The following SP5 variants were observed in gnomAD, a reference collection of about 807,000 sequenced individuals.
SP5 encodes the protein transcription factor Sp5.
Under a neutral mutation model 27.4 loss-of-function variants are expected in SP5, and 12 were observed. The observed-to-expected ratio is 0.44, with a 90% CI of 0.28 to 0.71. The LOEUF (loss-of-function observed/expected upper bound fraction) is 0.71, where lower values mean the gene tolerates loss of function less well. SP5 is among the 30% of genes least tolerant of loss of function. The pLI is 0.15. For synonymous variants in SP5, 330 were observed against 290.7 expected, an observed-to-expected ratio of 1.14 and a Z score of -1.38; for missense variants, 660 against 589.8, an observed-to-expected ratio of 1.12 and a Z score of -1.23.
At position 170,716,690 on chromosome 2, in the gene SP5, C is replaced by T. The variant is rs748351724; in HGVS notation, c.483C>T (p.Asn161=). 3 of 1,547,524 alleles carry T rather than the reference C, an allele frequency of 1.9e-6. No individual in the cohort carries two copies. Among genetic ancestry groups the T allele is most frequent in the Non-Finnish European group, 2.6e-6 (3 of 1,156,216 alleles). Residue 161 remains asparagine (N), a synonymous_variant, in exon 2 of 2, where the codon AAC becomes AAT. Transcript: ENST00000375281. ...AQAALPPGYS[N]LLPPPPPPPP... Reference sequence around the variant, plus strand: ...CCGCGCTGCCGCCAGGCTACTCCAACCTGCTGCCTCCGCCGCCGCCACCGC... The same window carrying T: ...CCGCGCTGCCGCCAGGCTACTCCAATCTGCTGCCTCCGCCGCCGCCACCGC...
chr2:170,716,049 C>T, intron 1 of SP5: 1 of 1,394,936 alleles, frequency 7.2e-7, no homozygotes, highest in Non-Finnish European at 9.2e-7. Flanking sequence ...GCAAGAAGCG[C>T]TCGCGGGCCC....
chr2:170,717,554 GA>G lies in SP5; in HGVS notation c.*151del. 1 of 1,062,970 alleles carries G rather than the reference GA, an allele frequency of 9.4e-7. No individual in the cohort carries two copies. Among genetic ancestry groups the G allele is most frequent in the Non-Finnish European group, 1.3e-6 (1 of 749,530 alleles). 65.8% of individuals were successfully genotyped at this position (1,062,970 alleles called of 1,614,324 possible). ...AGGCTTCCAACTTCCGCTGCCTTCG[GA>G]CATAGGGACCCAGTTCCCAGGAGCG... is the stretch of plus-strand genomic sequence containing the variant. On this transcript the variant is annotated 3_prime_UTR_variant, in exon 2 of 2. Transcript: ENST00000375281.
chr2:170,717,358 A>C lies in SP5; in HGVS notation c.1151A>C (p.Lys384Thr). The part of the protein sequence containing the change: ...HVKTHQNKKL[K>T]VAEAGVKRED... The stretch of plus-strand genomic sequence containing the variant: ...AAGACTCACCAGAATAAGAAGCTCA[A>C]AGTCGCTGAGGCCGGGGTTAAGCGG... The change falls in exon 2 of 2, where the codon AAA (lysine) becomes ACA (threonine). Residue 384 changes from lysine (K) to threonine (T), a missense_variant. Lys to Thr is a moderately conservative substitution (Grantham distance 78). Transcript: ENST00000375281. 6.2e-7 allele frequency: 1 copy of C among 1,611,228 alleles called. No individual in the cohort carries two copies. Among genetic ancestry groups the C allele is most frequent in the Non-Finnish European group, 8.5e-7 (1 of 1,179,986 alleles).
At position 170,716,969 on chromosome 2, in the gene SP5, C is replaced by T. The variant is rs1213635845; in HGVS notation, c.762C>T (p.Ile254=). The change falls in exon 2 of 2, where the codon ATC becomes ATT. Residue 254 remains isoleucine (I), a synonymous_variant. Coordinates refer to ENST00000375281, the MANE Select transcript of SP5 (RefSeq NM_001003845.3). ...ACTTTGCGCAGTACCAGAGCCAGAT[C>T]GCCGCGCTGCTGCAGACCAAGGCCC... ...PSDFAQYQSQ[I]AALLQTKAPL... The T allele has an allele frequency of 6.5e-7, 1 of 1,547,750 alleles. No homozygotes were observed. The highest frequency in any genetic ancestry group is 2.4e-5 in the East Asian group (1 of 40,856).
In SP5 at chr2:170,717,400, T is replaced by C. The variant is rs781706380; in HGVS notation, c.1193T>C (p.Leu398Pro). 1 of 1,610,456 alleles carries C rather than the reference T, an allele frequency of 6.2e-7. No individual in the cohort carries two copies. Among genetic ancestry groups the C allele is most frequent in the Non-Finnish European group, 8.5e-7 (1 of 1,179,874 alleles). ...AGVKREDARDL is the reference protein window; with the variant it reads ...AGVKREDARDP The stretch of plus-strand genomic sequence containing the variant: ...GTTAAGCGGGAGGACGCGCGGGACC[T>C]GTGAGCCCTCCCGGAGGTGGACCCC... The change falls in exon 2 of 2, where the codon CTG becomes CCG. Residue 398 changes from leucine (L) to proline (P), a missense_variant. Leu to Pro is a moderately conservative substitution (Grantham distance 98, BLOSUM62 -3). Coordinates refer to ENST00000375281, the MANE Select transcript of SP5 (RefSeq NM_001003845.3).
In SP5 at chr2:170,716,707, C is replaced by A; in HGVS notation, c.500C>A (p.Pro167Gln). The change falls in exon 2 of 2, where the codon CCG (proline) becomes CAG (glutamine). Residue 167 changes from proline (P) to glutamine (Q), a missense_variant. Physicochemically the swap from Pro to Gln is moderately conservative, Grantham distance 76. Transcript: ENST00000375281. ...PGYSNLLPPPPPPPPPPTCRQ... is the reference protein window; with the variant it reads ...PGYSNLLPPPQPPPPPPTCRQ... Reference sequence around the variant, plus strand: ...TACTCCAACCTGCTGCCTCCGCCGCCGCCACCGCCCCCGCCGCCCACCTGC... The same window carrying A: ...TACTCCAACCTGCTGCCTCCGCCGCAGCCACCGCCCCCGCCGCCCACCTGC... The A allele has an allele frequency of 6.7e-7, 1 of 1,502,824 alleles. No individual in the cohort carries two copies. Among genetic ancestry groups the A allele is most frequent in the Non-Finnish European group, 8.8e-7 (1 of 1,133,708 alleles). 93.1% of individuals were successfully genotyped at this position (1,502,824 alleles called of 1,614,324 possible). A position where few individuals can be genotyped will look rare whatever the true frequency, so the allele number is the denominator to read the frequency against.
intron 1 of SP5, chr2:170,715,795 G>C: frequency 1.0e-6 from 1 of 985,428 alleles, no homozygotes; most frequent in Non-Finnish European, 1.2e-6. Flanking sequence ...GAACAGGACC[G>C]GAGCTCACCC....
In SP5 at chr2:170,716,291, C is replaced by G. The variant is rs1392141432; in HGVS notation, c.84C>G (p.Gly28=). ...DRTPSASPDL[G]KHSPLALLAA... is the part of the protein sequence containing the mutation. ...CCCCCAGCGCCTCCCCGGACCTGGGCAAGCACTCGCCCCTGGCATTGCTGG... is the reference window on the plus strand; with the variant it reads ...CCCCCAGCGCCTCCCCGGACCTGGGGAAGCACTCGCCCCTGGCATTGCTGG... The change falls in exon 2 of 2, where the codon GGC becomes GGG. Residue 28 remains glycine, a synonymous_variant. Transcript: ENST00000375281. The G allele has an allele frequency of 6.3e-7, 1 of 1,595,750 alleles. No homozygotes were observed. Among genetic ancestry groups the G allele is most frequent in the South Asian group, 1.1e-5 (1 of 90,826 alleles).
chr2:170,715,838 C>G, intron 1 of SP5: 10 of 985,272 alleles, frequency 1.0e-5, no homozygotes, highest in Non-Finnish European at 1.2e-5. Flanking sequence ...CAGCCTGGGG[C>G]GGGCCAGGGA....
At position 170,716,439 on chromosome 2, in the gene SP5, C is replaced by G. The variant is rs1184410716; in HGVS notation, c.232C>G (p.Pro78Ala). ...CTTCCACCCGTGGACCGCCGACATG[C>G]CGGCGCACTCGCCAGGCGCACTGCC... ...RLFHPWTADM[P>A]AHSPGALPPP... Residue 78 changes from proline to alanine, a missense_variant, in exon 2 of 2, where the codon CCG becomes GCG. Coordinates refer to ENST00000375281, the MANE Select transcript of SP5 (RefSeq NM_001003845.3). 1.9e-6 allele frequency: 3 copies of G among 1,602,618 alleles called. No individual in the cohort carries two copies. The highest frequency in any genetic ancestry group is 1.7e-6 in the Non-Finnish European group (2 of 1,178,876).
At position 170,716,675 on chromosome 2, in the gene SP5, G is replaced by T. The variant is rs1134626; in HGVS notation, c.468G>T (p.Pro156=). 0.32 allele frequency: 504,184 copies of T among 1,590,796 alleles called. 83,771 individuals are homozygous for T. Among genetic ancestry groups the T allele is most frequent in the South Asian group, 0.35 (31,237 of 89,420 alleles). Residue 156 remains proline (P), a synonymous_variant, in exon 2 of 2, where the codon CCG becomes CCT. Coordinates refer to ENST00000375281, the MANE Select transcript of SP5 (RefSeq NM_001003845.3). ...CCTACGCGGCGCAGGCCGCGCTGCC[G>T]CCAGGCTACTCCAACCTGCTGCCTC... ...YVPYAAQAAL[P]PGYSNLLPPP... is the part of the protein sequence containing the mutation.
Position 170,717,603 on chromosome 2 carries a change from G to A in SP5, c.*199G>A. The stretch of plus-strand genomic sequence containing the variant: ...GCGGGGAGGTAGGGTTGGGGCTGGG[G>A]CATTTGGATTGTAATTGGGAGCTCT... On this transcript the variant is annotated 3_prime_UTR_variant, in exon 2 of 2. Transcript: ENST00000375281. 2.8e-6 allele frequency: 2 copies of A among 718,230 alleles called. No individual in the cohort carries two copies. The highest frequency in any genetic ancestry group is 4.5e-6 in the Non-Finnish European group (2 of 445,704). 44.5% of individuals were successfully genotyped at this position (718,230 alleles called of 1,614,324 possible). A position where few individuals can be genotyped will look rare whatever the true frequency, so the allele number is the denominator to read the frequency against.
chr2:170,716,077 G>C, intron 1 of SP5, 182 bp from the exon 2 acceptor site: 1 of 1,401,278 alleles, frequency 7.1e-7, no homozygotes, highest in African/African-American at 1.5e-5. Context: ...AGGTAGCGCA[G>C]GCACCAAAAG....
chr2:170,717,342 C>A lies in SP5; in HGVS notation c.1135C>A (p.Gln379Lys). The A allele has an allele frequency of 6.2e-7, 1 of 1,610,968 alleles. No individual in the cohort carries two copies. The highest frequency in any genetic ancestry group is 8.5e-7 in the Non-Finnish European group (1 of 1,179,980). Residue 379 changes from glutamine (Q) to lysine (K), a missense_variant, in exon 2 of 2, where the codon CAG (glutamine) becomes AAG (lysine). By Grantham distance (53) the Gln-to-Lys change is moderately conservative (BLOSUM62 1). Coordinates refer to ENST00000375281, the MANE Select transcript of SP5 (RefSeq NM_001003845.3). ...DHLAKHVKTH[Q>K]NKKLKVAEAG... Reference sequence around the variant, plus strand: ...CCTCGCGAAGCACGTCAAGACTCACCAGAATAAGAAGCTCAAAGTCGCTGA... The same window carrying A: ...CCTCGCGAAGCACGTCAAGACTCACAAGAATAAGAAGCTCAAAGTCGCTGA...
chr2:170,716,878 C>T lies in SP5; in HGVS notation c.671C>T (p.Ala224Val). Residue 224 changes from alanine (A) to valine (V), a missense_variant, in exon 2 of 2, where the codon GCC (alanine) becomes GTC (valine). Physicochemically the swap from Ala to Val is moderately conservative, Grantham distance 64. Coordinates refer to ENST00000375281, the MANE Select transcript of SP5 (RefSeq NM_001003845.3). ...AGAPHAPRFP[A>V]SAAAAAAAAA... Reference sequence around the variant, plus strand: ...GCCCCCCACGCGCCCCGCTTCCCCGCCTCTGCGGCCGCTGCTGCTGCGGCC... The same window carrying T: ...GCCCCCCACGCGCCCCGCTTCCCCGTCTCTGCGGCCGCTGCTGCTGCGGCC... 1 of 1,500,222 alleles carries T rather than the reference C, an allele frequency of 6.7e-7. No homozygotes were observed. Among genetic ancestry groups the T allele is most frequent in the South Asian group, 1.3e-5 (1 of 78,542 alleles). 92.9% of individuals were successfully genotyped at this position (1,500,222 alleles called of 1,614,324 possible). A position where few individuals can be genotyped will look rare whatever the true frequency, so the allele number is the denominator to read the frequency against.
In SP5 at chr2:170,717,484, T is replaced by G; in HGVS notation, c.*80T>G. On this transcript the variant is annotated 3_prime_UTR_variant, in exon 2 of 2. Coordinates refer to ENST00000375281, the MANE Select transcript of SP5 (RefSeq NM_001003845.3). The stretch of plus-strand genomic sequence containing the variant: ...TGTGGGCAGCTGGCGGAGGGGAGAC[T>G]CAGCAGACGGACCCTCTCCGTTGCC... 2.6e-6 allele frequency: 4 copies of G among 1,533,844 alleles called. No homozygotes were observed. Among genetic ancestry groups the G allele is most frequent in the Non-Finnish European group, 3.5e-6 (4 of 1,140,594 alleles).
Position 170,716,275 on chromosome 2 carries a change from C to T in SP5, c.68C>T (p.Ala23Val). 1.3e-6 allele frequency: 2 copies of T among 1,594,176 alleles called. No individual in the cohort carries two copies. The highest frequency in any genetic ancestry group is 2.2e-5 in the East Asian group (1 of 44,752). The change falls in exon 2 of 2, where the codon GCC becomes GTC. Residue 23 changes from alanine to valine, a missense_variant. Ala to Val is a moderately conservative substitution (Grantham distance 64). Transcript: ENST00000375281. ...QAFLQDRTPS[A>V]SPDLGKHSPL... is the part of the protein sequence containing the mutation. ...CCTATGCAGGACCGCACCCCCAGCG[C>T]CTCCCCGGACCTGGGCAAGCACTCG...
Position 170,716,562 on chromosome 2 carries a change from C to G in SP5, c.355C>G (p.Pro119Ala). ...GCTTCCCCTTACACCCCCCGCCGAC[C>G]CCTCGTACCCCTACGAGTTCTCGCC... ...HELPLTPPAD[P>A]SYPYEFSPVK... The change falls in exon 2 of 2, where the codon CCC (proline) becomes GCC (alanine). Residue 119 changes from proline (P) to alanine (A), a missense_variant. Physicochemically the swap from Pro to Ala is conservative, Grantham distance 27. Coordinates refer to ENST00000375281, the MANE Select transcript of SP5 (RefSeq NM_001003845.3). 2 of 1,610,562 alleles carry G rather than the reference C, an allele frequency of 1.2e-6. No homozygotes were observed. The highest frequency in any genetic ancestry group is 1.7e-5 in the Admixed American group (1 of 59,928).
In SP5 at chr2:170,716,869, G is replaced by A. The variant is rs1427621549; in HGVS notation, c.662G>A (p.Arg221His). The part of the protein sequence containing the change: ...GACAGAPHAP[R>H]FPASAAAAAA... Reference sequence around the variant, plus strand: ...TGTGCCGGGGCCCCCCACGCGCCCCGCTTCCCCGCCTCTGCGGCCGCTGCT... The same window carrying A: ...TGTGCCGGGGCCCCCCACGCGCCCCACTTCCCCGCCTCTGCGGCCGCTGCT... The change falls in exon 2 of 2, where the codon CGC becomes CAC. Residue 221 changes from arginine to histidine, a missense_variant. Arg to His is a conservative substitution (Grantham distance 29). Coordinates refer to ENST00000375281, the MANE Select transcript of SP5 (RefSeq NM_001003845.3). 2.0e-5 allele frequency: 30 copies of A among 1,470,546 alleles called. No individual in the cohort carries two copies. The highest frequency in any genetic ancestry group is 2.9e-5 in the East Asian group (1 of 34,554). The allele number at this position is 1,470,546 out of a possible 1,614,324, so 91.1% of individuals were successfully genotyped here.
Sources: gnomAD v4.1 joint callset for allele counts on GRCh38, gnomAD v4.1.1 for gene constraint, MANE v1.5 for transcripts, NCBI Gene and HGNC (gene_info 2026-07-23, HGNC 2026-07-21) for gene names.